Variants in RPSA2 observed in about 807,000 individuals in gnomAD.
The protein encoded by RPSA2 is ribosomal protein SA 2, also known as small ribosomal subunit protein uS2B.
the RPSA2 span, among the ~76,000 whole-genome samples, chr19:23,865,093 C>A: frequency 6.6e-6 from 1 of 152,074 alleles, no homozygotes; most frequent in Non-Finnish European, 1.5e-5. Context: ...AGGAAGTGAA[C>A]GAGGAAGATC....
chr19:23,762,064 TGC>T, the RPSA2 span, among the ~76,000 whole-genome samples: 1 of 151,050 alleles, frequency 6.6e-6, no homozygotes. Context: ...ATTATAGGCG[TGC>T]GCCACCACGC....
the RPSA2 span, among the ~76,000 whole-genome samples, chr19:23,800,289 G>A: frequency 2.0e-5 from 3 of 151,886 alleles, no homozygotes; most frequent in Middle Eastern, 3.4e-3. Flanking sequence ...TGATCGACCC[G>A]CCTTGGCCTC....
At chr19:23,856,224 G>GT in the RPSA2 span, among the ~76,000 whole-genome samples, 1 of 152,028 alleles carries the variant, frequency 6.6e-6, no homozygotes, top group African/African-American at 2.4e-5. Context: ...GCACTTACAA[G>GT]GCCAAATCAC....
chr19:23,853,457 A>G, the RPSA2 span, among the ~76,000 whole-genome samples: 1 of 152,254 alleles, frequency 6.6e-6, no homozygotes, highest in African/African-American at 2.4e-5. Flanking sequence ...TAAAGCCTCC[A>G]GTTTTTCTTT....
At chr19:23,769,213 G>A in the RPSA2 span, among the ~76,000 whole-genome samples, 1 of 152,154 alleles carries the variant, frequency 6.6e-6, no homozygotes, top group Non-Finnish European at 1.5e-5. Flanking sequence ...CTTAGGCCTG[G>A]GCCCTACCCA....
the RPSA2 span, among the ~76,000 whole-genome samples, chr19:23,769,410 C>G: frequency 6.6e-6 from 1 of 152,138 alleles, no homozygotes; most frequent in South Asian, 2.1e-4. Flanking sequence ...GTGGCAAAAT[C>G]TTGGCTCACT....
the RPSA2 span, among the ~76,000 whole-genome samples, chr19:23,851,541 T>C: frequency 1.3e-5 from 2 of 152,212 alleles, no homozygotes; most frequent in African/African-American, 4.8e-5. Context: ...TATCAATATG[T>C]TTAATAGTAG....
chr19:23,818,460 CA>C, the RPSA2 span: 1 of 152,494 alleles, frequency 6.6e-6, no homozygotes, highest in African/African-American at 2.4e-5. Flanking sequence ...TTTTAGACAG[CA>C]ATTAGTTAGG....
At chr19:23,788,819 A>G in the RPSA2 span, among the ~76,000 whole-genome samples, 6 of 152,108 alleles carry the variant, frequency 3.9e-5, no homozygotes, top group Admixed American at 6.6e-5. Flanking sequence ...TTTTGGATCC[A>G]TATCCTATGA....
chr19:23,870,533 A>AT, the RPSA2 span, among the ~76,000 whole-genome samples: 101 of 151,528 alleles, frequency 6.7e-4, no homozygotes, highest in African/African-American at 2.1e-3. Flanking sequence ...TACAAAAAAA[A>AT]GTTCTTGATT....
At chr19:23,800,050 A>G in the RPSA2 span, among the ~76,000 whole-genome samples, 1 of 131,922 alleles carries the variant, frequency 7.6e-6, no homozygotes, top group African/African-American at 2.9e-5. Flanking sequence ...TTTTTTTGAG[A>G]CAGAGTCTCG....
At chr19:23,855,774 T>C in the RPSA2 span, among the ~76,000 whole-genome samples, 1 of 152,166 alleles carries the variant, frequency 6.6e-6, no homozygotes. Context: ...GCAAAGTGAC[T>C]GGATGAGGGA....
chr19:23,846,399 G>A, the RPSA2 span, among the ~76,000 whole-genome samples: 5 of 151,672 alleles, frequency 3.3e-5, no homozygotes, highest in Admixed American at 2.0e-4. Flanking sequence ...ATTTATATTT[G>A]TGGTTTAATA....
the RPSA2 span, among the ~76,000 whole-genome samples, chr19:23,787,662 C>T: frequency 6.6e-6 from 1 of 152,022 alleles, no homozygotes; most frequent in Non-Finnish European, 1.5e-5. Flanking sequence ...TGCACCAATC[C>T]CAAAGGTGAT....
chr19:23,813,730 C>CTTATTTT, the RPSA2 span, among the ~76,000 whole-genome samples: 1 of 136,790 alleles, frequency 7.3e-6, no homozygotes, highest in African/African-American at 2.7e-5. Flanking sequence ...ACACGGGTTT[C>CTTATTTT]TTTTTTTTTT....
the RPSA2 span, among the ~76,000 whole-genome samples, chr19:23,854,309 G>T: frequency 2.0e-5 from 3 of 152,192 alleles, no homozygotes; most frequent in Admixed American, 1.3e-4. Flanking sequence ...TACAGGCAAA[G>T]AATTAGGTAG....
chr19:23,848,858 A>C, the RPSA2 span, among the ~76,000 whole-genome samples: 1 of 152,230 alleles, frequency 6.6e-6, no homozygotes, highest in Non-Finnish European at 1.5e-5. Context: ...ATTTGAATAG[A>C]TTGGTGTAAT....
At chr19:23,822,446 G>A in the RPSA2 span, among the ~76,000 whole-genome samples, 1 of 151,586 alleles carries the variant, frequency 6.6e-6, no homozygotes, top group Non-Finnish European at 1.5e-5. Context: ...TGTGCATTAG[G>A]AAGATAGACT....
the RPSA2 span, among the ~76,000 whole-genome samples, chr19:23,836,889 G>T: frequency 6.6e-6 from 1 of 151,828 alleles, no homozygotes; most frequent in Non-Finnish European, 1.5e-5. Flanking sequence ...TTAGTCCTTT[G>T]TCAGATGTAT....
Sources: allele counts gnomAD v4.1 joint callset (sites outside exome capture counted in the v4.1 genomes callset), GRCh38; gene constraint gnomAD v4.1.1; transcripts MANE v1.5; gene names NCBI Gene and HGNC (gene_info 2026-07-23, HGNC 2026-07-21).